VAT1L: variants seen among roughly 807,000 people sequenced by gnomAD.
The protein encoded by VAT1L is vesicle amine transport 1 like.
Under a neutral mutation model 44.1 loss-of-function variants are expected in VAT1L, and 34 were observed. The observed-to-expected ratio is 0.77, with a 90% confidence interval of 0.59 to 1.03. The LOEUF (loss-of-function observed/expected upper bound fraction) is 1.03, where lower values mean the gene tolerates loss of function less well. VAT1L is among the 50% of genes least tolerant of loss of function. VAT1L has a pLI of 0.00. For missense variants in VAT1L, 615 were observed against 538.8 expected, an observed-to-expected ratio of 1.14 and a Z score of -1.40; for synonymous variants, 253 against 202.2, an observed-to-expected ratio of 1.25 and a Z score of -2.13.
intron 1 of VAT1L, among the ~76,000 whole-genome samples, 162 bp downstream of exon 1, chr16:77,789,077 G>T (rs767676240): frequency 6.6e-6 from 1 of 152,106 alleles, no homozygotes; most frequent in Non-Finnish European, 1.5e-5. Context: ...CAAAGCTGGG[G>T]AGGATGCAGA....
intron 7 of VAT1L, among the ~76,000 whole-genome samples, chr16:77,917,515 G>A (rs559193073): frequency 6.6e-6 from 1 of 152,264 alleles, no homozygotes; most frequent in East Asian, 1.9e-4. Context: ...TCAAATCATT[G>A]CAATTAAGAA....
intron 7 of VAT1L, among the ~76,000 whole-genome samples, chr16:77,946,757 T>C (rs1221649493): frequency 6.6e-6 from 1 of 152,198 alleles, no homozygotes; most frequent in Non-Finnish European, 1.5e-5. Context: ...AAACTCTTGG[T>C]TATGGAGACT....
At chr16:77,955,760 G>A (rs1208239414) in intron 7 of VAT1L, among the ~76,000 whole-genome samples, 1 of 149,496 alleles carries the variant, frequency 6.7e-6, no homozygotes, top group Non-Finnish European at 1.5e-5. Flanking sequence ...AATGGAATGA[G>A]TGAAATGACC....
intron 3 of VAT1L, among the ~76,000 whole-genome samples, chr16:77,845,179 C>A (rs572566796): frequency 7.3e-5 from 11 of 151,254 alleles, no homozygotes; most frequent in Admixed American, 2.6e-4. Flanking sequence ...TCCCTGAGGT[C>A]GGCGCTGACA....
chr16:77,822,795 C>T (rs2016473821), intron 2 of VAT1L, among the ~76,000 whole-genome samples: 1 of 152,156 alleles, frequency 6.6e-6, no homozygotes, highest in South Asian at 2.1e-4. Flanking sequence ...CTTTGCCTTG[C>T]TCTTGTTGCT....
At chr16:77,841,991 C>A (rs1445526891) in intron 3 of VAT1L, among the ~76,000 whole-genome samples, 3 of 152,080 alleles carry the variant, frequency 2.0e-5, no homozygotes, top group Non-Finnish European at 4.4e-5. Flanking sequence ...GGGTTCACGC[C>A]ATTCTCCTGC....
intron 4 of VAT1L, among the ~76,000 whole-genome samples, chr16:77,872,792 C>G (rs972954182): frequency 6.6e-6 from 1 of 152,218 alleles, no homozygotes; most frequent in Non-Finnish European, 1.5e-5. Flanking sequence ...ACACCATGAG[C>G]TCCTGGATGG....
At chr16:77,906,424 C>T (rs528698011) in intron 7 of VAT1L, among the ~76,000 whole-genome samples, 1 of 152,306 alleles carries the variant, frequency 6.6e-6, no homozygotes, top group African/African-American at 2.4e-5. Flanking sequence ...ATAGGACAGT[C>T]ATACGATTGA....
chr16:77,823,964 A>G (rs1029236379), intron 2 of VAT1L, among the ~76,000 whole-genome samples: 1 of 152,214 alleles, frequency 6.6e-6, no homozygotes, highest in Non-Finnish European at 1.5e-5. Context: ...CGGAGGTTGC[A>G]TTGAGCTGAG....
rs150513216 is a variant in VAT1L, at chr16:77,887,240, G to A, written c.1077+2438G>A. On this transcript the variant is annotated intron_variant, in intron 7 of 8. Transcript: ENST00000302536. The stretch of plus-strand genomic sequence containing the variant: ...CCAAGGAGGGAATGGTACAAGGAGA[G>A]TCTGAGTAGGTTAACAAGGGCTGGA... Among the ~76,000 whole-genome samples the A allele has an allele frequency of 2.5e-3, 380 of 152,320 alleles. 7 individuals are homozygous for A. Among genetic ancestry groups the A allele is most frequent in the African/African-American group, 9.0e-3 (373 of 41,576 alleles).
rs979604336 is a variant in VAT1L, at chr16:77,932,505, A to G, written c.1078-39345A>G. 1.2e-4 allele frequency among the ~76,000 whole-genome samples: 18 copies of G among 152,326 alleles called. 1 individual carries two copies. Among genetic ancestry groups the G allele is most frequent in the Admixed American group, 1.2e-3 (18 of 15,304 alleles). ...CAGAGTATACAGCATTTTCCTACTT[A>G]TTTGACTGTGGAAACTCTTTTCTTC... On this transcript the variant is annotated intron_variant, in intron 7 of 8. Transcript: ENST00000302536.
chr16:77,948,282 G>A (rs1264849542), intron 7 of VAT1L, among the ~76,000 whole-genome samples: 2 of 152,154 alleles, frequency 1.3e-5, no homozygotes, highest in Non-Finnish European at 2.9e-5. Flanking sequence ...GTAGGTGGAG[G>A]TTATTACCCC....
chr16:77,926,004 T>A (rs1301705701), intron 7 of VAT1L, among the ~76,000 whole-genome samples: 1 of 152,080 alleles, frequency 6.6e-6, no homozygotes. Context: ...GGCTCATACC[T>A]GTAATCCTAG....
chr16:77,911,989 A>G (rs2017504353), intron 7 of VAT1L, among the ~76,000 whole-genome samples: 2 of 152,126 alleles, frequency 1.3e-5, no homozygotes, highest in Non-Finnish European at 2.9e-5. Context: ...ATGGGCCCAC[A>G]TTTGTACTCT....
chr16:77,845,746 T>A (rs764092389), intron 3 of VAT1L, among the ~76,000 whole-genome samples: 15 of 152,166 alleles, frequency 9.9e-5, no homozygotes, highest in Admixed American at 2.0e-4. Flanking sequence ...CTCCCCTTTT[T>A]CCTCTGCCTG....
chr16:77,933,135 A>G lies in VAT1L; in HGVS notation c.1078-38715A>G, dbSNP rs973052177. Among the ~76,000 whole-genome samples, 2 of 152,240 alleles carry G rather than the reference A, an allele frequency of 1.3e-5. 1 individual carries two copies. Among genetic ancestry groups the G allele is most frequent in the South Asian group, 4.1e-4 (2 of 4,828 alleles). On this transcript the variant is annotated intron_variant, in intron 7 of 8. Transcript: ENST00000302536. ...AGTTCTTAGTCATTCCAGTGTCAGA[A>G]GAAATTAATGTGATGGAATACTTCA...
chr16:77,815,753 G>A (rs890079136), intron 1 of VAT1L, among the ~76,000 whole-genome samples: 9 of 151,720 alleles, frequency 5.9e-5, no homozygotes, highest in African/African-American at 2.2e-4. Flanking sequence ...CGGATCACCT[G>A]AGTTAGGAGT....
chr16:77,888,883 GGA>G (rs567043128), intron 7 of VAT1L, among the ~76,000 whole-genome samples: 3 of 152,346 alleles, frequency 2.0e-5, no homozygotes, highest in Admixed American at 2.0e-4. Flanking sequence ...TCCATAGAAA[GGA>G]GAGAGACAGC....
intron 4 of VAT1L, among the ~76,000 whole-genome samples, chr16:77,870,777 T>C (rs1458193338): frequency 6.6e-6 from 1 of 152,236 alleles, no homozygotes; most frequent in Non-Finnish European, 1.5e-5. Context: ...ATCATACATA[T>C]GCAGGCAGTG....
Sources: allele counts gnomAD v4.1 joint callset (sites outside exome capture counted in the v4.1 genomes callset), GRCh38; gene constraint gnomAD v4.1.1; transcripts MANE v1.5; gene names NCBI Gene and HGNC (gene_info 2026-07-23, HGNC 2026-07-21).